CBFA2T2: variants seen among roughly 807,000 people sequenced by gnomAD.
The protein encoded by CBFA2T2 is CBFA2/RUNX1 partner transcriptional co-repressor 2, also known as protein CBFA2T2.
Under a neutral mutation model 62.2 loss-of-function variants are expected in CBFA2T2, and 11 were observed. The observed-to-expected ratio is 0.18, with a 90% CI of 0.11 to 0.29. The LOEUF (loss-of-function observed/expected upper bound fraction) is 0.29. CBFA2T2 is among the 10% of genes least tolerant of loss of function. The pLI, the probability that CBFA2T2 is intolerant of heterozygous loss-of-function variation, is 1.00. For missense variants in CBFA2T2, 592 were observed against 774.1 expected (o/e 0.76, Z 2.79); for synonymous variants, 295 against 287.5 (o/e 1.03, Z -0.27).
At chr20:33,641,088 A>C (rs2016818453) in intron 10 of CBFA2T2, among the ~76,000 whole-genome samples, 1 of 151,392 alleles carries the variant, frequency 6.6e-6, no homozygotes. Flanking sequence ...GCTGGAGTGC[A>C]GTGGTGCAAT....
chr20:33,611,366 G>T, intron 3 of CBFA2T2, 31 bp downstream of exon 3: 1 of 1,607,480 alleles, frequency 6.2e-7, no homozygotes, highest in East Asian at 2.2e-5. Context: ...GTTCTCAGCT[G>T]CCTGAGTATG....
rs1160089384 is a variant in CBFA2T2, at chr20:33,497,706, C to T, written c.34+7405C>T. Among the ~76,000 whole-genome samples the T allele has an allele frequency of 7.9e-5, 12 of 152,072 alleles. No individual in the cohort carries two copies. The East Asian group carries it at 1.2e-3, about 15-fold the overall frequency. ...CAGGGACTACAGGCACACGCCACCA[C>T]GCCCAGCTAATTTTTGTATTTTTAG... On this transcript the variant is annotated intron_variant, in intron 1 of 10. Transcript: ENST00000342704.
chr20:33,591,179 C>CAAAAAAA (rs80021195), intron 1 of CBFA2T2, among the ~76,000 whole-genome samples: 2 of 82,042 alleles, frequency 2.4e-5, no homozygotes, highest in African/African-American at 7.1e-5. Context: ...AACTCCCTCT[C>CAAAAAAA]AAAAAAAAAA....
rs552013040 is a variant in CBFA2T2 at position 33,645,543 on chromosome 20, C to T, written c.*897C>T. The T allele has an allele frequency of 4.6e-5, 7 of 152,316 alleles. No individual in the cohort carries two copies. The highest frequency in any genetic ancestry group is 1.9e-4 in the East Asian group (1 of 5,186). The allele number at this position is 152,316 out of a possible 1,614,324, so 9.4% of individuals were successfully genotyped here. On this transcript the variant is annotated 3_prime_UTR_variant, in exon 11 of 11. Transcript: ENST00000342704. ...ACCACTTGGCTATTTGCACAGTCAT[C>T]TTGTTCTGTGTCCTTTTATCTCTCA...
intron 1 of CBFA2T2, among the ~76,000 whole-genome samples, chr20:33,534,459 C>T (rs931594131): frequency 2.6e-5 from 4 of 152,012 alleles, no homozygotes; most frequent in African/African-American, 7.2e-5. Flanking sequence ...ACTACAGGCA[C>T]GCGCCACCAC....
intron 1 of CBFA2T2, among the ~76,000 whole-genome samples, chr20:33,578,556 A>C (rs2013942471): frequency 6.6e-6 from 1 of 152,248 alleles, no homozygotes; most frequent in Admixed American, 6.5e-5. Flanking sequence ...CAAGGCTAGC[A>C]CAACAGCCCT....
At chr20:33,566,353 C>G (rs1043686133) in intron 1 of CBFA2T2, among the ~76,000 whole-genome samples, 1 of 152,124 alleles carries the variant, frequency 6.6e-6, no homozygotes, top group Non-Finnish European at 1.5e-5. Flanking sequence ...CACCTGTAAT[C>G]CCAGCACTTT....
chr20:33,558,398 G>A (rs750708439), intron 1 of CBFA2T2, among the ~76,000 whole-genome samples: 12 of 152,118 alleles, frequency 7.9e-5, no homozygotes, highest in Non-Finnish European at 1.3e-4. Context: ...CTCCCAAGGC[G>A]CTGGGACTAT....
Position 33,508,181 on chromosome 20 carries a change from G to A in CBFA2T2, c.34+17880G>A, listed in dbSNP as rs558354495. 2.6e-5 allele frequency among the ~76,000 whole-genome samples: 4 copies of A among 152,130 alleles called. No homozygotes were observed. In the East Asian group the frequency reaches 7.7e-4, roughly 29 times the overall value. ...GCAATCTCAGCCCACTGCAACCTCC[G>A]CCTCCCGGGTTTAAGTGATTCTCCT... On this transcript the variant is annotated intron_variant, in intron 1 of 10. Transcript: ENST00000342704.
chr20:33,490,315 G>C lies in CBFA2T2; in HGVS notation c.34+14G>C. On this transcript the variant is annotated intron_variant, in intron 1 of 10. Coordinates refer to ENST00000342704, the MANE Select transcript of CBFA2T2 (RefSeq NM_001032999.3). ...CCGCCTTCCAGCGTAAGTGGGGCGTGAATGCGGGCGGCCGAGGGGGGCGTG... is the reference window on the plus strand; with the variant it reads ...CCGCCTTCCAGCGTAAGTGGGGCGTCAATGCGGGCGGCCGAGGGGGGCGTG... The C allele has an allele frequency of 7.8e-7, 1 of 1,284,750 alleles. No individual in the cohort carries two copies. The highest frequency in any genetic ancestry group is 9.8e-7 in the Non-Finnish European group (1 of 1,016,444). 79.6% of individuals were successfully genotyped at this position (1,284,750 alleles called of 1,614,324 possible).
At chr20:33,495,163 G>A (rs75842773) in intron 1 of CBFA2T2, among the ~76,000 whole-genome samples, 165 of 152,050 alleles carry the variant, frequency 1.1e-3, no homozygotes, top group African/African-American at 3.9e-3. Flanking sequence ...TTGGAAGGTC[G>A]AGGTGGGCGG....
chr20:33,512,635 C>T (rs1354442476), intron 1 of CBFA2T2, among the ~76,000 whole-genome samples: 1 of 152,108 alleles, frequency 6.6e-6, no homozygotes. Flanking sequence ...CAGTAATATA[C>T]CACAGTCGGT....
chr20:33,591,103 C>T (rs539431856), intron 1 of CBFA2T2, among the ~76,000 whole-genome samples: 97 of 144,914 alleles, frequency 6.7e-4, no homozygotes, highest in South Asian at 3.9e-3. Context: ...CACTTGAACC[C>T]GGGAGGCAGA....
chr20:33,601,590 A>G (rs990309455), intron 1 of CBFA2T2, among the ~76,000 whole-genome samples: 5 of 151,772 alleles, frequency 3.3e-5, no homozygotes, highest in Non-Finnish European at 5.9e-5. Context: ...TTATAAAGCA[A>G]TGGATTTAAT....
At chr20:33,568,389 A>T (rs2013424858) in intron 1 of CBFA2T2, among the ~76,000 whole-genome samples, 1 of 152,124 alleles carries the variant, frequency 6.6e-6, no homozygotes, top group Non-Finnish European at 1.5e-5. Flanking sequence ...GTCATGGGAG[A>T]AGGGTGCGTG....
At chr20:33,538,986 T>A (rs1182167188) in intron 1 of CBFA2T2, among the ~76,000 whole-genome samples, 1 of 152,240 alleles carries the variant, frequency 6.6e-6, no homozygotes, top group East Asian at 1.9e-4. Flanking sequence ...TCCAACTTAT[T>A]TATTCCTCCA....
chr20:33,624,529 G>T (rs1367852692), intron 5 of CBFA2T2, among the ~76,000 whole-genome samples: 1 of 152,128 alleles, frequency 6.6e-6, no homozygotes, highest in Non-Finnish European at 1.5e-5. Flanking sequence ...TAATGTTTCT[G>T]TCTGGTTATG....
At chr20:33,608,675 A>G (rs1255994158) in intron 2 of CBFA2T2, among the ~76,000 whole-genome samples, 1 of 152,216 alleles carries the variant, frequency 6.6e-6, no homozygotes, top group Non-Finnish European at 1.5e-5. Context: ...AAGATACACC[A>G]ATAGGTATAT....
chr20:33,525,588 G>A (rs982230496), intron 1 of CBFA2T2, among the ~76,000 whole-genome samples: 5 of 152,038 alleles, frequency 3.3e-5, no homozygotes, highest in Admixed American at 1.3e-4. Flanking sequence ...ATATCACTCC[G>A]AAAAGAAACC....
Sources: gnomAD v4.1 joint callset for allele counts (sites outside exome capture counted in the v4.1 genomes callset) on GRCh38, gnomAD v4.1.1 for gene constraint, MANE v1.5 for transcripts, NCBI Gene and HGNC (gene_info 2026-07-23, HGNC 2026-07-21) for gene names.